Variants in TOM1L2 observed in about 807,000 individuals in gnomAD.
The protein encoded by TOM1L2 is target of myb1 like 2 membrane trafficking protein, also known as TOM1-like protein 2.
Under a neutral mutation model 67.9 loss-of-function variants are expected in TOM1L2, and 31 were observed. The observed-to-expected ratio is 0.46, with a 90% CI of 0.34 to 0.62. The LOEUF is 0.62. Among genes scored for constraint, TOM1L2 ranks in the 20% least tolerant of loss-of-function variants. The pLI is 0.01. For synonymous variants in TOM1L2, 256 were observed against 254.0 expected, an observed-to-expected ratio of 1.01 and a Z score of -0.07; for missense variants, 606 against 663.5, an observed-to-expected ratio of 0.91 and a Z score of 0.95.
At chr17:17,849,557 G>C (rs563203458) in intron 13 of TOM1L2, among the ~76,000 whole-genome samples, 4 of 152,356 alleles carry the variant, frequency 2.6e-5, no homozygotes, top group African/African-American at 9.6e-5. Context: ...AAGTGCATCA[G>C]ACTTGATTTT....
At position 17,884,718 on chromosome 17, in the gene TOM1L2, G is replaced by A; in HGVS notation, c.417C>T (p.His139=). 3.1e-6 allele frequency: 5 copies of A among 1,613,900 alleles called. No homozygotes were observed. The highest frequency in any genetic ancestry group is 4.2e-6 in the Non-Finnish European group (5 of 1,180,022). ...RSSPDLTGVV[H]IYEELKRKGV... ...CTTTCCTCTTCAGCTCCTCATATAT[G>A]TGCACAACGCCGGTGAGATCAGGAC... Residue 139 remains histidine, a synonymous_variant, in exon 5 of 15, where the codon CAC becomes CAT. Coordinates refer to ENST00000379504, the MANE Select transcript of TOM1L2 (RefSeq NM_001082968.2).
intron 1 of TOM1L2, among the ~76,000 whole-genome samples, chr17:17,963,724 G>T (rs2041780166): frequency 6.6e-6 from 1 of 152,316 alleles, no homozygotes; most frequent in East Asian, 1.9e-4. Flanking sequence ...TCTACCATGT[G>T]CTGTGAAGGT....
intron 3 of TOM1L2, among the ~76,000 whole-genome samples, chr17:17,895,923 G>A (rs964581743): frequency 6.6e-6 from 1 of 152,184 alleles, no homozygotes; most frequent in East Asian, 1.9e-4. Flanking sequence ...AGGCAGCTCC[G>A]CAGCCAGCCA....
chr17:17,911,005 T>C (rs187309196), intron 1 of TOM1L2, among the ~76,000 whole-genome samples: 1 of 152,316 alleles, frequency 6.6e-6, no homozygotes, highest in East Asian at 1.9e-4. Flanking sequence ...CTGAAGTCAC[T>C]ATATTTAACA....
chr17:17,884,542 A>G, intron 5 of TOM1L2, 92 bp downstream of exon 5: 2 of 1,551,232 alleles, frequency 1.3e-6, no homozygotes, highest in Non-Finnish European at 1.8e-6. Context: ...CAAGCTGAAT[A>G]ATTCAAAGGC....
intron 7 of TOM1L2, 55 bp from the exon 8 acceptor site, chr17:17,869,528 C>A: frequency 6.5e-7 from 1 of 1,540,454 alleles, no homozygotes. Flanking sequence ...TCGTCACATT[C>A]TATCTCCTTT....
At chr17:17,882,565 C>T in intron 6 of TOM1L2, 140 bp downstream of exon 6, 1 of 1,177,296 alleles carries the variant, frequency 8.5e-7, no homozygotes, top group Non-Finnish European at 1.2e-6. Context: ...ATCTCTCTCC[C>T]CTGGGGATTG....
intron 1 of TOM1L2, among the ~76,000 whole-genome samples, chr17:17,940,636 A>G (rs2040694299): frequency 6.6e-6 from 1 of 152,170 alleles, no homozygotes; most frequent in South Asian, 2.1e-4. Flanking sequence ...AGCACTCAAG[A>G]CCCTCAGCAA....
rs140130603 is a variant in TOM1L2, at chr17:17,848,880, A to G, written c.1339-21T>C. ...CCCTTCTGTGGGAGGAGCAGAGAAA[A>G]TGAAATTAGGGCACTGGTCCAAGCA... On this transcript the variant is annotated intron_variant, in intron 13 of 14. Coordinates refer to ENST00000379504, the MANE Select transcript of TOM1L2 (RefSeq NM_001082968.2). 166 of 1,614,110 alleles carry G rather than the reference A, an allele frequency of 1.0e-4. No individual in the cohort carries two copies. The Middle Eastern group carries it at 3.1e-3, about 30-fold the overall frequency.
chr17:17,862,798 T>G lies in TOM1L2; in HGVS notation c.1135A>C (p.Asn379His). The G allele has an allele frequency of 6.2e-7, 1 of 1,614,196 alleles. No homozygotes were observed. The highest frequency in any genetic ancestry group is 8.5e-7 in the Non-Finnish European group (1 of 1,180,034). ...SGTLSSLQQC[N>H]PRDGFDMFAQ... ...AACATGTCAAAGCCGTCACGGGGAT[T>G]ACATTGCTGGAGTGAACTGAGGGTG... is the stretch of plus-strand genomic sequence containing the variant. The change falls in exon 11 of 15, where the codon AAT (asparagine) becomes CAT (histidine). Residue 379 changes from asparagine to histidine, a missense_variant. Transcript: ENST00000379504.
intron 5 of TOM1L2, 137 bp from the exon 6 acceptor site, chr17:17,883,000 T>C: frequency 9.5e-7 from 1 of 1,057,696 alleles, no homozygotes; most frequent in Non-Finnish European, 1.4e-6. Context: ...GCTGCCCGGG[T>C]GAGGTTCACA....
rs1446353232 is a variant in TOM1L2, at chr17:17,918,771, G to A, written c.53-11240C>T. Among the ~76,000 whole-genome samples the A allele has an allele frequency of 2.6e-5, 4 of 152,132 alleles. No individual in the cohort carries two copies. In the East Asian group the frequency reaches 7.7e-4, roughly 29 times the overall value. On this transcript the variant is annotated intron_variant, in intron 1 of 14. Coordinates refer to ENST00000379504, the MANE Select transcript of TOM1L2 (RefSeq NM_001082968.2). ...ACTGAGCCTTCAAGACCATTCTAAT[G>A]TTCTGAGAACTTTTTCAAATCTTAC...
At chr17:17,850,977 C>T (rs1273350566) in intron 12 of TOM1L2, 25 bp from the exon 13 acceptor site, 1 of 1,613,136 alleles carries the variant, frequency 6.2e-7, no homozygotes, top group Non-Finnish European at 8.5e-7. Context: ...AGCAGCGGGC[C>T]AGGCAGCCCC....
intron 3 of TOM1L2, among the ~76,000 whole-genome samples, chr17:17,894,503 G>A (rs2038456028): frequency 6.6e-6 from 1 of 152,226 alleles, no homozygotes; most frequent in African/African-American, 2.4e-5. Context: ...GTCAGTGAGA[G>A]CTTGAACCTC....
chr17:17,860,356 C>T (rs2036486964), intron 12 of TOM1L2, among the ~76,000 whole-genome samples: 1 of 152,234 alleles, frequency 6.6e-6, no homozygotes, highest in South Asian at 2.1e-4. Flanking sequence ...AGGCACGGCA[C>T]TGAGGACCCA....
At chr17:17,909,008 C>A (rs1025870620) in intron 1 of TOM1L2, among the ~76,000 whole-genome samples, 1 of 152,046 alleles carries the variant, frequency 6.6e-6, no homozygotes, top group Non-Finnish European at 1.5e-5. Context: ...GGTGAAACCC[C>A]GTCTCTACTA....
intron 10 of TOM1L2, among the ~76,000 whole-genome samples, chr17:17,865,638 C>G (rs2036804136): frequency 6.6e-6 from 1 of 151,888 alleles, no homozygotes; most frequent in Non-Finnish European, 1.5e-5. Context: ...CTCAGCCTCC[C>G]AAAATGCTGG....
chr17:17,948,063 T>C (rs8066982), intron 1 of TOM1L2, among the ~76,000 whole-genome samples: 74,156 of 152,004 alleles, frequency 0.49, 19,123 homozygotes, highest in East Asian at 0.86. Flanking sequence ...CTAAGAGATA[T>C]ATATTAGTCA....
intron 1 of TOM1L2, among the ~76,000 whole-genome samples, chr17:17,926,423 T>C (rs575001655): frequency 1.3e-5 from 2 of 152,280 alleles, no homozygotes; most frequent in South Asian, 2.1e-4. Flanking sequence ...CAAGGGGAGA[T>C]GCGGACATAA....
Sources: allele counts gnomAD v4.1 joint callset (sites outside exome capture counted in the v4.1 genomes callset), GRCh38; gene constraint gnomAD v4.1.1; transcripts MANE v1.5; gene names NCBI Gene and HGNC (gene_info 2026-07-23, HGNC 2026-07-21).